Variants in GTF3C1 observed in about 807,000 individuals in gnomAD.
GTF3C1 encodes general transcription factor IIIC subunit 1.
GTF3C1 carries 57 observed loss-of-function variants against 226.7 expected under a neutral mutation model. The observed-to-expected ratio is 0.25, with a 90% CI of 0.20 to 0.31. The LOEUF (loss-of-function observed/expected upper bound fraction) is 0.31, where lower values mean the gene tolerates loss of function less well. Among genes scored for constraint, GTF3C1 ranks in the 10% least tolerant of loss-of-function variants. The pLI, the probability that GTF3C1 is intolerant of heterozygous loss-of-function variation, is 1.00. For synonymous variants in GTF3C1, 1,090 were observed against 1,084.8 expected, an observed-to-expected ratio of 1.00 and a Z score of -0.09; for missense variants, 2,217 against 2,776.1, an observed-to-expected ratio of 0.80 and a Z score of 4.53.
chr16:27,529,739 C>T (rs1049669948), intron 5 of GTF3C1, among the ~76,000 whole-genome samples: 1 of 152,218 alleles, frequency 6.6e-6, no homozygotes, highest in Non-Finnish European at 1.5e-5. Context: ...GACTGCAGCT[C>T]CTCACAGCAA....
rs1187624984 is a variant in GTF3C1 at position 27,484,349 on chromosome 16, T to G, written c.3863A>C (p.Lys1288Thr). ...CACCTGCCAGGTGACAAATGGGCCC[T>G]TCACCTGGATCAAACACAGAGCCAA... ...IASNVLNTKV[K>T]GPFVTWQVVR... The change falls in exon 25 of 37, where the codon AAG (lysine) becomes ACG (threonine). Residue 1288 changes from lysine (K) to threonine (T), a missense_variant. This residue lies in a region of GTF3C1 where 546 missense variants were observed against 663.0 expected (regional missense o/e 0.82). Coordinates refer to ENST00000356183, the MANE Select transcript of GTF3C1 (RefSeq NM_001520.4). 3.8e-6 allele frequency: 6 copies of G among 1,596,082 alleles called. No homozygotes were observed. The African/African-American group carries it at 5.4e-5, about 14-fold the overall frequency.
At chr16:27,498,523 T>G in intron 13 of GTF3C1, 107 bp downstream of exon 13, 1 of 733,592 alleles carries the variant, frequency 1.4e-6, no homozygotes, top group Admixed American at 1.8e-5. Context: ...AACCAACAAA[T>G]TCACTGATCC....
chr16:27,516,279 G>A (rs2088657093), intron 6 of GTF3C1, among the ~76,000 whole-genome samples: 2 of 152,214 alleles, frequency 1.3e-5, no homozygotes, highest in African/African-American at 4.8e-5. Context: ...CGATGCCAGA[G>A]GACTATGAGC....
chr16:27,516,909 G>T (rs2088667400), intron 6 of GTF3C1, among the ~76,000 whole-genome samples: 1 of 152,142 alleles, frequency 6.6e-6, no homozygotes. Context: ...GAGGGTTATA[G>T]TCATGGGTCA....
chr16:27,463,833 T>C lies in GTF3C1; in HGVS notation c.5873-241A>G, dbSNP rs1363529404. ...GTCCCAGGCCCGGACAAGCCCCACATTGCAGGAAGCCAGCGAACACCTCAT... is the reference window on the plus strand; with the variant it reads ...GTCCCAGGCCCGGACAAGCCCCACACTGCAGGAAGCCAGCGAACACCTCAT... On this transcript the variant is annotated intron_variant, in intron 34 of 36. Coordinates refer to ENST00000356183, the MANE Select transcript of GTF3C1 (RefSeq NM_001520.4). This position sits in a 1 kb window ranked among gnomAD's most constrained non-coding sequence, Gnocchi z 4.9. 4.4e-5 allele frequency: 24 copies of C among 541,826 alleles called. No homozygotes were observed. Among genetic ancestry groups the C allele is most frequent in the Non-Finnish European group, 2.3e-5 (7 of 310,232 alleles). The allele number at this position is 541,826 out of a possible 1,614,324, so 33.6% of individuals were successfully genotyped here.
At chr16:27,518,941 G>C (rs1207632167) in intron 6 of GTF3C1, among the ~76,000 whole-genome samples, 4 of 152,218 alleles carry the variant, frequency 2.6e-5, no homozygotes, top group Admixed American at 1.3e-4. Flanking sequence ...AGGCAAATTA[G>C]GCACTCAACG....
chr16:27,466,438 T>C (rs952432574), intron 32 of GTF3C1: 1 of 152,238 alleles, frequency 6.6e-6, no homozygotes, highest in African/African-American at 2.4e-5. Flanking sequence ...AAGTATCATG[T>C]GTGTTCTGGC....
Position 27,470,360 on chromosome 16 carries a change from G to T in GTF3C1, c.4562C>A (p.Thr1521Lys), listed in dbSNP as rs202098384. Residue 1521 changes from threonine (T) to lysine (K), a missense_variant, in exon 31 of 37, where the codon ACG (threonine) becomes AAG (lysine). Thr to Lys is a moderately conservative substitution (Grantham distance 78). This residue lies in a region of GTF3C1 where 546 missense variants were observed against 663.0 expected (regional missense o/e 0.82). Coordinates refer to ENST00000356183, the MANE Select transcript of GTF3C1 (RefSeq NM_001520.4). This position sits in a 1 kb window ranked among gnomAD's most constrained non-coding sequence, Gnocchi z 4.9. ...FTWRFPSTICTESFQFLDRMR... is the reference protein window; with the variant it reads ...FTWRFPSTICKESFQFLDRMR... ...TCTGTCCAAAAACTGGAATGACTCC[G>T]TGCAGATGGTGCTTGGAAATCGCCA... 1.3e-5 allele frequency: 21 copies of T among 1,613,948 alleles called. No homozygotes were observed. The South Asian group carries it at 2.2e-4, about 17-fold the overall frequency.
At chr16:27,510,385 C>CA (rs936651401) in intron 7 of GTF3C1, among the ~76,000 whole-genome samples, 50 of 140,726 alleles carry the variant, frequency 3.6e-4, no homozygotes, top group Middle Eastern at 7.2e-3. Flanking sequence ...GACTCCATCT[C>CA]AAAAAAAAAA....
intron 32 of GTF3C1, chr16:27,465,987 A>G: frequency 5.6e-6 from 1 of 178,174 alleles, no homozygotes; most frequent in Non-Finnish European, 1.2e-5. Context: ...TTTTGCCTAC[A>G]CTAGCCAGGG....
chr16:27,471,713 C>T lies in GTF3C1; in HGVS notation c.4526+35G>A. On this transcript the variant is annotated intron_variant, in intron 30 of 36. Transcript: ENST00000356183. The surrounding 1 kb of genome is among the most constrained non-coding windows in gnomAD (Gnocchi z 5.0). ...TCTTTACAGACAGGGCGTGGCTCCA[C>T]CTCGGAGTACCCAAGGCTCCTGACA... 6.4e-7 allele frequency: 1 copy of T among 1,560,750 alleles called. No homozygotes were observed. Among genetic ancestry groups the T allele is most frequent in the Middle Eastern group, 1.7e-4 (1 of 5,948 alleles).
chr16:27,506,166 C>T, intron 9 of GTF3C1, 50 bp from the exon 10 acceptor site: 1 of 1,087,706 alleles, frequency 9.2e-7, no homozygotes, highest in Non-Finnish European at 1.4e-6. Flanking sequence ...GCCAGGAGGG[C>T]ATTCATGTTT....
At position 27,462,998 on chromosome 16, in the gene GTF3C1, G is replaced by A. The variant is rs562427516; in HGVS notation, c.5925-512C>T. The A allele has an allele frequency of 2.6e-4, 44 of 171,946 alleles. No individual in the cohort carries two copies. Among genetic ancestry groups the A allele is most frequent in the South Asian group, 1.3e-3 (8 of 6,302 alleles). 10.7% of individuals were successfully genotyped at this position (171,946 alleles called of 1,614,324 possible). A position where few individuals can be genotyped will look rare whatever the true frequency, so the allele number is the denominator to read the frequency against. ...AAGAGCTGGACACCAGGCTCTCATC[G>A]CTATGGCTGGGCCTTGGAGGGGGCA... On this transcript the variant is annotated intron_variant, in intron 35 of 36. Transcript: ENST00000356183. The surrounding 1 kb of genome is among the most constrained non-coding windows in gnomAD (Gnocchi z 4.5).
At chr16:27,516,433 C>T (rs1483960268) in intron 6 of GTF3C1, among the ~76,000 whole-genome samples, 1 of 152,190 alleles carries the variant, frequency 6.6e-6, no homozygotes, top group Non-Finnish European at 1.5e-5. Flanking sequence ...AGTGACTCTC[C>T]GGATATTTTG....
chr16:27,469,606 A>G lies in GTF3C1; in HGVS notation c.4815-56T>C, dbSNP rs1358628231. On this transcript the variant is annotated intron_variant, in intron 31 of 36. Coordinates refer to ENST00000356183, the MANE Select transcript of GTF3C1 (RefSeq NM_001520.4). This position sits in a 1 kb window ranked among gnomAD's most constrained non-coding sequence, Gnocchi z 4.5. The stretch of plus-strand genomic sequence containing the variant: ...GCATAGGCCAGCCAGTTGCTACTGC[A>G]GCCTCTCCCCTCCCTCAAGAGGCCT... 2 of 1,562,348 alleles carry G rather than the reference A, an allele frequency of 1.3e-6. No homozygotes were observed. Among genetic ancestry groups the G allele is most frequent in the Non-Finnish European group, 1.7e-6 (2 of 1,146,370 alleles).
chr16:27,525,323 A>C (rs1459543499), intron 6 of GTF3C1, among the ~76,000 whole-genome samples: 1 of 152,102 alleles, frequency 6.6e-6, no homozygotes, highest in South Asian at 2.1e-4. Context: ...TCTCTACTTA[A>C]AGGCTGATGC....
In GTF3C1 at chr16:27,488,364, C is replaced by A; in HGVS notation, c.3563G>T (p.Cys1188Phe). 1 of 1,613,828 alleles carries A rather than the reference C, an allele frequency of 6.2e-7. No homozygotes were observed. The highest frequency in any genetic ancestry group is 8.5e-7 in the Non-Finnish European group (1 of 1,179,662). Residue 1188 changes from cysteine (C) to phenylalanine (F), a missense_variant, in exon 23 of 37, where the codon TGT becomes TTT. Physicochemically the swap from Cys to Phe is radical, Grantham distance 205. Transcript: ENST00000356183. ...WGEARVGSEL[C>F]AGWEEQFEVD... ...CTCAAACTGCTCTTCCCAGCCAGCA[C>A]AGAGCTCGGAGCCTACTCTTGCTTC... is the stretch of plus-strand genomic sequence containing the variant.
At position 27,460,665 on chromosome 16, in the gene GTF3C1, T is replaced by G. The variant is rs2087688542; in HGVS notation, c.*685A>C. 6.9e-6 allele frequency: 1 copy of G among 145,570 alleles called. No homozygotes were observed. The highest frequency in any genetic ancestry group is 2.5e-5 in the African/African-American group (1 of 40,154). The allele number at this position is 145,570 out of a possible 1,614,324, so 9.0% of individuals were successfully genotyped here. A position where few individuals can be genotyped will look rare whatever the true frequency, so the allele number is the denominator to read the frequency against. On this transcript the variant is annotated 3_prime_UTR_variant, in exon 37 of 37. Transcript: ENST00000356183. Reference sequence around the variant, plus strand: ...ATAAATAAGTACACTCCACAGGGACTTTTTTTTTTTAATGAGGAAAAAAGG... The same window carrying G: ...ATAAATAAGTACACTCCACAGGGACGTTTTTTTTTTAATGAGGAAAAAAGG...
chr16:27,506,152 G>T, intron 9 of GTF3C1, 36 bp from the exon 10 acceptor site: 1 of 1,189,374 alleles, frequency 8.4e-7, no homozygotes, highest in South Asian at 1.3e-5. Flanking sequence ...AAATCAAGGG[G>T]GAGGCCAGGA....
Sources: allele counts gnomAD v4.1 joint callset (sites outside exome capture counted in the v4.1 genomes callset), GRCh38; gene constraint gnomAD v4.1.1; regional missense constraint gnomAD v4.1.1; non-coding constraint Gnocchi (gnomAD v3.1); transcripts MANE v1.5; gene names NCBI Gene and HGNC (gene_info 2026-07-23, HGNC 2026-07-21).